Variants in LRCH2 observed in about 807,000 individuals in gnomAD.
LRCH2 encodes leucine-rich repeat and calponin homology domain-containing protein 2.
In LRCH2, 38 loss-of-function variants were observed where a neutral mutation model predicts 68.9. The ratio of observed to expected loss-of-function variants is 0.55; its 90% CI spans 0.43 to 0.72. The LOEUF (loss-of-function observed/expected upper bound fraction) is 0.72, where lower values mean the gene tolerates loss of function less well. LRCH2 is among the 30% of genes least tolerant of loss of function. The pLI, the probability that LRCH2 is intolerant of heterozygous loss-of-function variation, is 0.00. For synonymous variants in LRCH2, 191 were observed against 208.1 expected (o/e 0.92, Z 0.71); for missense variants, 528 against 572.9 (o/e 0.92, Z 0.80).
chrX:115,172,255 T>G (rs1199686224), intron 5 of LRCH2, among the ~76,000 whole-genome samples: 1 of 111,679 alleles, frequency 9.0e-6, no homozygotes, highest in Non-Finnish European at 1.9e-5. Flanking sequence ...TTAAAGAGCA[T>G]GGACTCTGCA....
At chrX:115,121,665 G>C (rs893366338) in intron 20 of LRCH2, among the ~76,000 whole-genome samples, 17 of 111,561 alleles carry the variant, frequency 1.5e-4, no homozygotes, top group African/African-American at 4.6e-4. Flanking sequence ...AAAAACAAAA[G>C]CAAAAACAAA....
At chrX:115,202,227 C>T (rs1415251704) in intron 1 of LRCH2, among the ~76,000 whole-genome samples, 1 of 111,540 alleles carries the variant, frequency 9.0e-6, no homozygotes, top group Admixed American at 9.5e-5. Flanking sequence ...ATGGATAGAA[C>T]TGAAGGTCAT....
intron 14 of LRCH2, among the ~76,000 whole-genome samples, chrX:115,138,354 G>A (rs895098516): frequency 9.0e-6 from 1 of 111,536 alleles, no homozygotes. Context: ...GTTCAATCAC[G>A]TGTCTCCACA....
intron 1 of LRCH2, among the ~76,000 whole-genome samples, chrX:115,199,298 A>G (rs1438666555): frequency 2.7e-5 from 3 of 111,859 alleles, no homozygotes; most frequent in Non-Finnish European, 3.8e-5. Flanking sequence ...AAACCCTCAC[A>G]TATATCAATA....
intron 14 of LRCH2, among the ~76,000 whole-genome samples, chrX:115,143,297 A>C (rs2072354827): frequency 9.0e-6 from 1 of 111,547 alleles, no homozygotes; most frequent in East Asian, 2.8e-4. Context: ...GAAAAAGGAG[A>C]CATTACAACT....
intron 15 of LRCH2, among the ~76,000 whole-genome samples, chrX:115,129,585 A>G (rs1447723810): frequency 9.0e-6 from 1 of 111,069 alleles, no homozygotes; most frequent in African/African-American, 3.3e-5. Context: ...AAAACTGAAG[A>G]CATTTTCAGA....
chrX:115,129,276 T>TA (rs1485848554), intron 15 of LRCH2, among the ~76,000 whole-genome samples: 1 of 110,992 alleles, frequency 9.0e-6, no homozygotes, highest in Non-Finnish European at 1.9e-5. Context: ...GAATAATATT[T>TA]AAAGGGTAGG....
intron 3 of LRCH2, among the ~76,000 whole-genome samples, chrX:115,180,029 T>G (rs1269458319): frequency 9.0e-6 from 1 of 110,550 alleles, no homozygotes; most frequent in Non-Finnish European, 1.9e-5. Context: ...GGCCAACTCA[T>G]ACCAGCCAAA....
intron 11 of LRCH2, among the ~76,000 whole-genome samples, chrX:115,161,174 G>A (rs1036323517): frequency 2.7e-5 from 3 of 111,263 alleles, no homozygotes; most frequent in Non-Finnish European, 5.7e-5. Flanking sequence ...CCAACATGGC[G>A]AAACCCCGTC....
At chrX:115,168,701 C>A (rs180719885) in intron 6 of LRCH2, among the ~76,000 whole-genome samples, 296 of 110,923 alleles carry the variant, frequency 2.7e-3, no homozygotes, top group African/African-American at 9.2e-3. Context: ...TTATTCTAGA[C>A]CCCCTGATCT....
At chrX:115,137,944 G>A (rs959482843) in intron 14 of LRCH2, among the ~76,000 whole-genome samples, 7 of 108,782 alleles carry the variant, frequency 6.4e-5, no homozygotes, top group East Asian at 5.8e-4. Context: ...GCGAGGCTCC[G>A]TCTCAAGAGA....
At chrX:115,130,783 T>G (rs1005159597) in intron 14 of LRCH2, among the ~76,000 whole-genome samples, 26 of 112,130 alleles carry the variant, frequency 2.3e-4, no homozygotes, top group African/African-American at 7.4e-4. Flanking sequence ...GGCACTGATT[T>G]AAATGTCTTA....
At chrX:115,148,864 A>G (rs2072409489) in intron 14 of LRCH2, among the ~76,000 whole-genome samples, 1 of 111,790 alleles carries the variant, frequency 8.9e-6, no homozygotes, top group Non-Finnish European at 1.9e-5. Flanking sequence ...ACTAAGACAT[A>G]TAACAGTTTT....
chrX:115,191,073 C>A (rs2072805225), intron 1 of LRCH2: 1 of 1,163,774 alleles, frequency 8.6e-7, no homozygotes, highest in African/African-American at 1.8e-5. Context: ...ACGGCCAGAG[C>A]CACCGCTATG....
intron 11 of LRCH2, among the ~76,000 whole-genome samples, chrX:115,158,040 G>T (rs2147380491): frequency 8.9e-6 from 1 of 111,822 alleles, no homozygotes; most frequent in Admixed American, 9.5e-5. Context: ...GATACCAAAA[G>T]TCAAAACAAA....
At chrX:115,174,607 A>C (rs868918476) in intron 5 of LRCH2, among the ~76,000 whole-genome samples, 9 of 93,641 alleles carry the variant, frequency 9.6e-5, no homozygotes, top group African/African-American at 3.9e-4. Flanking sequence ...CCCCCCACAC[A>C]CACACACACA....
intron 20 of LRCH2, among the ~76,000 whole-genome samples, chrX:115,116,237 G>A (rs782705888): frequency 6.3e-5 from 7 of 111,271 alleles, no homozygotes; most frequent in African/African-American, 1.3e-4. Context: ...AGTGTTCAAA[G>A]AAAAACTTAT....
chrX:115,191,296 A>G (rs1187625037), intron 1 of LRCH2: 1 of 1,148,690 alleles, frequency 8.7e-7, no homozygotes, highest in African/African-American at 1.9e-5. Context: ...CGACAGTTCC[A>G]GCTGGAGCCA....
chrX:115,191,736 C>G, intron 1 of LRCH2: 2 of 1,165,139 alleles, frequency 1.7e-6, no homozygotes, highest in Non-Finnish European at 2.3e-6. Context: ...GGGGCCATGA[C>G]AGTTCCAGCC....
Sources: gnomAD v4.1 joint callset for allele counts (sites outside exome capture counted in the v4.1 genomes callset) on GRCh38, gnomAD v4.1.1 for gene constraint, MANE v1.5 for transcripts, NCBI Gene and HGNC (gene_info 2026-07-23, HGNC 2026-07-21) for gene names.